Variants in SLCO5A1 observed in about 807,000 individuals in gnomAD.
The protein encoded by SLCO5A1 is organic anion transporter polypeptide-related protein 4.
Under a neutral mutation model 65.1 loss-of-function variants are expected in SLCO5A1, and 39 were observed. That is an observed-to-expected ratio of 0.60 (90% CI 0.46 to 0.78). The LOEUF (loss-of-function observed/expected upper bound fraction) is 0.78. Ranked by LOEUF, SLCO5A1 falls within the 30% of genes least tolerant of loss-of-function variation. The pLI, the probability that SLCO5A1 is intolerant of heterozygous loss-of-function variation, is 0.00. For synonymous variants in SLCO5A1, 438 were observed against 415.7 expected (o/e 1.05, Z -0.65); for missense variants, 1,029 against 1,069.4 (o/e 0.96, Z 0.53).
intron 2 of SLCO5A1, among the ~76,000 whole-genome samples, chr8:69,765,010 A>G (rs2130867456): frequency 6.6e-6 from 1 of 152,322 alleles, no homozygotes; most frequent in East Asian, 1.9e-4. Flanking sequence ...AAAAACCCTT[A>G]ACTACTCCCT....
intron 5 of SLCO5A1, among the ~76,000 whole-genome samples, chr8:69,736,238 C>G (rs551337924): frequency 6.6e-6 from 1 of 152,368 alleles, no homozygotes; most frequent in African/African-American, 2.4e-5. Context: ...AACCACACTG[C>G]TGTGGAAGTC....
intron 2 of SLCO5A1, among the ~76,000 whole-genome samples, chr8:69,788,653 C>G (rs1165877930): frequency 6.6e-6 from 1 of 152,078 alleles, no homozygotes; most frequent in Non-Finnish European, 1.5e-5. Flanking sequence ...TTCACTCTAA[C>G]AACCTTGGTA....
At chr8:69,694,875 T>C (rs1011787751) in intron 6 of SLCO5A1, among the ~76,000 whole-genome samples, 9 of 152,214 alleles carry the variant, frequency 5.9e-5, no homozygotes, top group Middle Eastern at 3.2e-3. Context: ...TTGTTCTAGA[T>C]TGAATACAAC....
intron 2 of SLCO5A1, among the ~76,000 whole-genome samples, chr8:69,769,708 A>G (rs1818232119): frequency 6.6e-6 from 1 of 152,182 alleles, no homozygotes. Flanking sequence ...TGATCCAGGA[A>G]CTGGTTTTTG....
chr8:69,753,976 A>G (rs1817440166), intron 4 of SLCO5A1, among the ~76,000 whole-genome samples: 1 of 146,508 alleles, frequency 6.8e-6, no homozygotes, highest in Non-Finnish European at 1.5e-5. Context: ...AGATCACACC[A>G]CTGCACTCCA....
At chr8:69,765,597 G>A (rs866571420) in intron 2 of SLCO5A1, among the ~76,000 whole-genome samples, 10 of 152,064 alleles carry the variant, frequency 6.6e-5, no homozygotes, top group African/African-American at 9.7e-5. Flanking sequence ...AAGCAAACCC[G>A]TACCACTCAA....
At chr8:69,793,020 C>G (rs1819337260) in intron 2 of SLCO5A1, among the ~76,000 whole-genome samples, 1 of 151,956 alleles carries the variant, frequency 6.6e-6, no homozygotes, top group Non-Finnish European at 1.5e-5. Context: ...ACTCTCTGCC[C>G]AGGCTGGATG....
At chr8:69,772,294 G>T (rs971618801) in intron 2 of SLCO5A1, among the ~76,000 whole-genome samples, 1 of 152,058 alleles carries the variant, frequency 6.6e-6, no homozygotes, top group African/African-American at 2.4e-5. Context: ...GTCAAGGCAG[G>T]AGGATCATTT....
chr8:69,792,977 T>C (rs1391140970), intron 2 of SLCO5A1, among the ~76,000 whole-genome samples: 2 of 152,042 alleles, frequency 1.3e-5, no homozygotes. Flanking sequence ...TTGGTTTTTT[T>C]GTTTTTTGTT....
chr8:69,699,847 G>C (rs1228953263), intron 6 of SLCO5A1, among the ~76,000 whole-genome samples: 1 of 152,232 alleles, frequency 6.6e-6, no homozygotes, highest in African/African-American at 2.4e-5. Flanking sequence ...GGCTGGGTGA[G>C]GTGGCTCACG....
chr8:69,795,540 G>A (rs1158228494), intron 2 of SLCO5A1, among the ~76,000 whole-genome samples: 1 of 152,200 alleles, frequency 6.6e-6, no homozygotes, highest in Non-Finnish European at 1.5e-5. Flanking sequence ...GGGCTCCCAA[G>A]GCCTTGGGCA....
chr8:69,679,669 T>G (rs1813686486), intron 7 of SLCO5A1, 50 bp from the exon 8 acceptor site: 1 of 1,593,928 alleles, frequency 6.3e-7, no homozygotes. Flanking sequence ...AAGCTAACTG[T>G]GGCATAAGAA....
chr8:69,769,584 A>G (rs1387981294), intron 2 of SLCO5A1, among the ~76,000 whole-genome samples: 1 of 152,230 alleles, frequency 6.6e-6, no homozygotes, highest in Non-Finnish European at 1.5e-5. Context: ...TTCTCTAATA[A>G]CTATTATTAC....
intron 4 of SLCO5A1, among the ~76,000 whole-genome samples, chr8:69,743,816 C>T (rs1469171200): frequency 6.6e-6 from 1 of 152,178 alleles, no homozygotes; most frequent in Non-Finnish European, 1.5e-5. Flanking sequence ...AAGCCTAAGG[C>T]ACCCTATGTG....
chr8:69,771,194 G>A (rs1301307813), intron 2 of SLCO5A1, among the ~76,000 whole-genome samples: 3 of 152,064 alleles, frequency 2.0e-5, no homozygotes, highest in African/African-American at 7.2e-5. Flanking sequence ...GTGTTGGCCA[G>A]GCTGGTCTTG....
At chr8:69,821,879 C>T (rs1393316477) in intron 2 of SLCO5A1, among the ~76,000 whole-genome samples, 1 of 151,350 alleles carries the variant, frequency 6.6e-6, no homozygotes, top group Non-Finnish European at 1.5e-5. Flanking sequence ...ATAATCCCAT[C>T]ATTTTGGGAG....
At chr8:69,806,432 C>T (rs976751861) in intron 2 of SLCO5A1, among the ~76,000 whole-genome samples, 5 of 152,260 alleles carry the variant, frequency 3.3e-5, no homozygotes, top group Non-Finnish European at 7.3e-5. Context: ...CGGCATTTAA[C>T]ACAGAGCATG....
intron 2 of SLCO5A1, among the ~76,000 whole-genome samples, chr8:69,807,704 T>C (rs1319942597): frequency 6.6e-6 from 1 of 152,204 alleles, no homozygotes; most frequent in Admixed American, 6.5e-5. Flanking sequence ...GTTTTTTGTT[T>C]GTTTGTTTGT....
At chr8:69,710,839 C>T (rs1815209485) in intron 5 of SLCO5A1, among the ~76,000 whole-genome samples, 1 of 152,178 alleles carries the variant, frequency 6.6e-6, no homozygotes. Flanking sequence ...GCGCCCCCAT[C>T]ATCTGTATCT....
Sources: allele counts gnomAD v4.1 joint callset (sites outside exome capture counted in the v4.1 genomes callset), GRCh38; gene constraint gnomAD v4.1.1; transcripts MANE v1.5; gene names NCBI Gene and HGNC (gene_info 2026-07-23, HGNC 2026-07-21).